Variants in TMEM163 observed in about 807,000 individuals in gnomAD.
TMEM163 encodes the protein transmembrane protein 163.
A neutral mutation model predicts 29.3 loss-of-function variants in TMEM163; 17 were observed. The observed-to-expected ratio is 0.58, with a 90% CI of 0.40 to 0.87. TMEM163 has a LOEUF of 0.87. TMEM163 is among the 40% of genes least tolerant of loss of function. TMEM163 has a pLI of 0.00. For synonymous variants in TMEM163, 157 were observed against 160.6 expected, an observed-to-expected ratio of 0.98 and a Z score of 0.17; for missense variants, 303 against 381.5, an observed-to-expected ratio of 0.79 and a Z score of 1.71.
chr2:134,609,996 A>C (rs1682462596), intron 2 of TMEM163, among the ~76,000 whole-genome samples: 1 of 152,200 alleles, frequency 6.6e-6, no homozygotes. Flanking sequence ...AGAAAATCAA[A>C]GCTGCTGGGT....
chr2:134,620,561 TA>T (rs1682709683), intron 2 of TMEM163, among the ~76,000 whole-genome samples: 2 of 152,168 alleles, frequency 1.3e-5, no homozygotes, highest in Admixed American at 6.5e-5. Context: ...CCGGCTACAC[TA>T]CCTAATTTCA....
intron 1 of TMEM163, among the ~76,000 whole-genome samples, chr2:134,715,794 C>T (rs909086493): frequency 1.3e-5 from 2 of 152,202 alleles, no homozygotes; most frequent in African/African-American, 4.8e-5. Context: ...GACAGGACAG[C>T]CTAGAGAAGC....
chr2:134,458,523 G>GT (rs1316174171), intron 6 of TMEM163: 1 of 238,942 alleles, frequency 4.2e-6, no homozygotes, highest in Non-Finnish European at 8.4e-6. Flanking sequence ...CCCCAGGACA[G>GT]TTCCAGGCTC....
At chr2:134,529,131 G>C (rs1215346248) in intron 4 of TMEM163, among the ~76,000 whole-genome samples, 3 of 152,126 alleles carry the variant, frequency 2.0e-5, no homozygotes, top group African/African-American at 7.2e-5. Flanking sequence ...AGGAGTTCAA[G>C]ACCAGCCTGG....
chr2:134,468,649 C>T (rs79463398), intron 5 of TMEM163: 5,471 of 152,358 alleles, frequency 0.036, 161 homozygotes, highest in South Asian at 0.13. Context: ...CCCTTTGGCT[C>T]CATTCAGTCG....
intron 2 of TMEM163, among the ~76,000 whole-genome samples, chr2:134,556,134 C>A (rs983661410): frequency 6.6e-6 from 1 of 152,178 alleles, no homozygotes; most frequent in Non-Finnish European, 1.5e-5. Context: ...ATGAAGCCAA[C>A]ACAAGAAGAA....
At chr2:134,553,193 G>C (rs1680970489) in intron 2 of TMEM163, among the ~76,000 whole-genome samples, 1 of 152,236 alleles carries the variant, frequency 6.6e-6, no homozygotes, top group African/African-American at 2.4e-5. Flanking sequence ...CGTTCTGCAA[G>C]TGGTCAGTGG....
At chr2:134,600,618 C>G (rs1036094877) in intron 2 of TMEM163, among the ~76,000 whole-genome samples, 7 of 152,064 alleles carry the variant, frequency 4.6e-5, no homozygotes, top group Admixed American at 2.0e-4. Flanking sequence ...ACAGGTGGAG[C>G]CTTTAAGAGG....
intron 4 of TMEM163, among the ~76,000 whole-genome samples, chr2:134,528,068 C>A (rs1313767573): frequency 6.6e-6 from 1 of 152,094 alleles, no homozygotes; most frequent in Non-Finnish European, 1.5e-5. Context: ...CAAGACAGAA[C>A]GAAAAAGAAA....
intron 2 of TMEM163, among the ~76,000 whole-genome samples, chr2:134,649,304 C>T (rs1683412196): frequency 6.6e-6 from 1 of 152,172 alleles, no homozygotes; most frequent in Admixed American, 6.5e-5. Context: ...AATGATCAAA[C>T]ACAACTTGAG....
chr2:134,578,698 T>C (rs1417338066), intron 2 of TMEM163, among the ~76,000 whole-genome samples: 1 of 152,146 alleles, frequency 6.6e-6, no homozygotes, highest in East Asian at 1.9e-4. Context: ...GGGCCTAGAC[T>C]CAGCAATTCA....
At chr2:134,717,956 G>A (rs1685070307) in intron 1 of TMEM163, among the ~76,000 whole-genome samples, 1 of 152,188 alleles carries the variant, frequency 6.6e-6, no homozygotes, top group Admixed American at 6.5e-5. Flanking sequence ...GGGAGGCAGA[G>A]TGTGGTCTCC....
At chr2:134,514,209 A>T (rs1238020956) in intron 4 of TMEM163, among the ~76,000 whole-genome samples, 1 of 152,170 alleles carries the variant, frequency 6.6e-6, no homozygotes, top group Admixed American at 6.5e-5. Flanking sequence ...GCCACCTGTC[A>T]CAAGAATGAA....
At chr2:134,457,481 T>A (rs1180182655) in intron 7 of TMEM163, among the ~76,000 whole-genome samples, 1 of 152,208 alleles carries the variant, frequency 6.6e-6, no homozygotes, top group Non-Finnish European at 1.5e-5. Context: ...ATTTTAACAT[T>A]TAAAAGCAGA....
intron 4 of TMEM163, among the ~76,000 whole-genome samples, chr2:134,505,284 A>G (rs1679796234): frequency 7.4e-6 from 1 of 134,288 alleles, no homozygotes; most frequent in Admixed American, 8.2e-5. Flanking sequence ...ACACCACTCC[A>G]GTTCAATTTT....
intron 2 of TMEM163, among the ~76,000 whole-genome samples, chr2:134,678,162 A>C (rs1684155199): frequency 6.6e-6 from 1 of 152,170 alleles, no homozygotes; most frequent in Non-Finnish European, 1.5e-5. Context: ...CGTTTTTATC[A>C]CATCTGCTCC....
At chr2:134,669,205 T>C (rs186480020) in intron 2 of TMEM163, among the ~76,000 whole-genome samples, 3 of 152,296 alleles carry the variant, frequency 2.0e-5, no homozygotes, top group Non-Finnish European at 2.9e-5. Flanking sequence ...ATACGAACCC[T>C]CTTGATACCC....
At chr2:134,575,963 G>C (rs1262103169) in intron 2 of TMEM163, among the ~76,000 whole-genome samples, 1 of 152,108 alleles carries the variant, frequency 6.6e-6, no homozygotes, top group Non-Finnish European at 1.5e-5. Flanking sequence ...GAACACCTGT[G>C]CTTAAGAAAC....
intron 4 of TMEM163, among the ~76,000 whole-genome samples, chr2:134,524,328 GT>G (rs34272309): frequency 0.44 from 65,762 of 149,804 alleles, 17,584 homozygotes; most frequent in African/African-American, 0.62. Context: ...AAGAGTTTTT[GT>G]TTTTTAATAT....
Sources: gnomAD v4.1 joint callset for allele counts (sites outside exome capture counted in the v4.1 genomes callset) on GRCh38, gnomAD v4.1.1 for gene constraint, MANE v1.5 for transcripts, NCBI Gene and HGNC (gene_info 2026-07-23, HGNC 2026-07-21) for gene names.